The following GNPTAB variants were observed in gnomAD, a reference collection of about 807,000 sequenced individuals.
The protein encoded by GNPTAB is N-acetylglucosamine-1-phosphate transferase subunits alpha and beta.
GNPTAB carries 92 observed loss-of-function variants against 136.6 expected under a neutral mutation model. That is an observed-to-expected ratio of 0.67 (90% CI 0.57 to 0.80). The LOEUF (loss-of-function observed/expected upper bound fraction) is 0.80. Among genes scored for constraint, GNPTAB ranks in the 30% least tolerant of loss-of-function variants. The pLI, the probability that GNPTAB is intolerant of heterozygous loss-of-function variation, is 0.00. For missense variants in GNPTAB, 1,343 were observed against 1,501.8 expected (o/e 0.89, Z 1.75); for synonymous variants, 512 against 535.1 (o/e 0.96, Z 0.60).
At chr12:101,780,088 A>G in intron 7 of GNPTAB, 64 bp downstream of exon 7, 1 of 1,506,586 alleles carries the variant, frequency 6.6e-7, no homozygotes, top group Non-Finnish European at 9.2e-7. Flanking sequence ...ATGGACCACA[A>G]GAAAAGAATC....
intron 1 of GNPTAB, among the ~76,000 whole-genome samples, chr12:101,814,106 C>G (rs1330104935): frequency 6.6e-6 from 1 of 150,554 alleles, no homozygotes; most frequent in Non-Finnish European, 1.5e-5. Context: ...TCAAGACCAG[C>G]TGGGCAACAT....
chr12:101,761,245 T>C lies in GNPTAB; in HGVS notation c.3017A>G (p.Gln1006Arg). The stretch of plus-strand genomic sequence containing the variant: ...AAAGACTTGAGATATATTCAGTGGC[T>C]GCACTGCACTCATGAGATAATAAAA... ...SYFYYLMSAV[Q>R]PLNISQVFDE... is the part of the protein sequence containing the mutation. Residue 1006 changes from glutamine (Q) to arginine (R), a missense_variant, in exon 15 of 21, where the codon CAG becomes CGG. Transcript: ENST00000299314. 1 of 1,613,614 alleles carries C rather than the reference T, an allele frequency of 6.2e-7. No individual in the cohort carries two copies. Among genetic ancestry groups the C allele is most frequent in the South Asian group, 1.1e-5 (1 of 91,068 alleles).
chr12:101,786,226 A>T lies in GNPTAB; in HGVS notation c.366-9T>A. 4.4e-6 allele frequency: 7 copies of T among 1,598,386 alleles called. No homozygotes were observed. Among genetic ancestry groups the T allele is most frequent in the African/African-American group, 1.3e-5 (1 of 74,752 alleles). On this transcript the variant is annotated splice_polypyrimidine_tract_variant and intron_variant, in intron 4 of 20. Transcript: ENST00000299314. Reference sequence around the variant, plus strand: ...ACTCTAACTGCTTCTCACTGGAAAGAAACACCAACATGCTTACAATTACAT... The same window carrying T: ...ACTCTAACTGCTTCTCACTGGAAAGTAACACCAACATGCTTACAATTACAT...
In GNPTAB at chr12:101,765,094, G is replaced by A. The variant is rs953532631; in HGVS notation, c.1823C>T (p.Ala608Val). ...CGTGAGATTAAAATGTATTGTGGTGGCATTCATTCCACTGTGCATTATGAG... is the reference window on the plus strand; with the variant it reads ...CGTGAGATTAAAATGTATTGTGGTGACATTCATTCCACTGTGCATTATGAG... ...IHLIMHSGMNATTIHFNLTFQ... is the reference protein window; with the variant it reads ...IHLIMHSGMNVTTIHFNLTFQ... Residue 608 changes from alanine (A) to valine (V), a missense_variant, in exon 13 of 21, where the codon GCC (alanine) becomes GTC (valine). Coordinates refer to ENST00000299314, the MANE Select transcript of GNPTAB (RefSeq NM_024312.5). 8 of 1,613,998 alleles carry A rather than the reference G, an allele frequency of 5.0e-6. No homozygotes were observed. The highest frequency in any genetic ancestry group is 6.8e-6 in the Non-Finnish European group (8 of 1,179,912).
At chr12:101,760,383 A>G (rs1952975088) in intron 15 of GNPTAB, among the ~76,000 whole-genome samples, 1 of 152,206 alleles carries the variant, frequency 6.6e-6, no homozygotes, top group Admixed American at 6.5e-5. Context: ...CATTTACACA[A>G]GGTGGTCCAG....
chr12:101,765,164 T>C lies in GNPTAB; in HGVS notation c.1753A>G (p.Ile585Val), dbSNP rs780782923. The change falls in exon 13 of 21, where the codon ATA (isoleucine) becomes GTA (valine). Residue 585 changes from isoleucine (I) to valine (V), a missense_variant. Coordinates refer to ENST00000299314, the MANE Select transcript of GNPTAB (RefSeq NM_024312.5). ...GVEGAYSDNP[I>V]IRHASIANKW... is the part of the protein sequence containing the mutation. ...TTGGCAATAGAAGCATGTCGAATTA[T>C]TGGATTGTCACTATAGGCACCTTCA... 2 of 1,614,190 alleles carry C rather than the reference T, an allele frequency of 1.2e-6. No homozygotes were observed. The highest frequency in any genetic ancestry group is 2.2e-5 in the South Asian group (2 of 91,086).
chr12:101,765,263 G>T lies in GNPTAB; in HGVS notation c.1654C>A (p.Gln552Lys), dbSNP rs752018352. Residue 552 changes from glutamine to lysine, a missense_variant, in exon 13 of 21, where the codon CAG (glutamine) becomes AAG (lysine). Coordinates refer to ENST00000299314, the MANE Select transcript of GNPTAB (RefSeq NM_024312.5). The stretch of plus-strand genomic sequence containing the variant: ...CCTTTTGGAATAATATAGTGAGTCT[G>T]GTTTGGGAGAAGGATCACTTTATAC... ...ELYKVILLPN[Q>K]THYIIPKGEC... 1 of 1,613,340 alleles carries T rather than the reference G, an allele frequency of 6.2e-7. No homozygotes were observed. The highest frequency in any genetic ancestry group is 8.5e-7 in the Non-Finnish European group (1 of 1,179,362).
chr12:101,789,869 T>A, intron 3 of GNPTAB, 69 bp downstream of exon 3: 2 of 1,388,038 alleles, frequency 1.4e-6, no homozygotes, highest in South Asian at 1.2e-5. Context: ...ATATGTGAGA[T>A]GTGCCACCCT....
intron 16 of GNPTAB, 58 bp downstream of exon 16, chr12:101,759,972 G>C (rs1467680706): frequency 5.0e-6 from 5 of 999,744 alleles, no homozygotes; most frequent in Non-Finnish European, 6.5e-6. Flanking sequence ...AATGCTGTAA[G>C]TAACACTTGA....
Position 101,766,313 on chromosome 12 carries a change from A to C in GNPTAB, c.1409-19T>G, listed in dbSNP as rs1362386255. The C allele has an allele frequency of 8.7e-6, 14 of 1,601,026 alleles. No individual in the cohort carries two copies. Among genetic ancestry groups the C allele is most frequent in the Non-Finnish European group, 1.2e-5 (14 of 1,168,212 alleles). On this transcript the variant is annotated intron_variant, in intron 11 of 20. Coordinates refer to ENST00000299314, the MANE Select transcript of GNPTAB (RefSeq NM_024312.5). ...CTGTTTCCTGTAGATCGGAGGAAGA[A>C]GAGGGATTCTTGCTGTAATTACAAT... is the stretch of plus-strand genomic sequence containing the variant.
chr12:101,782,493 T>C (rs1868398130), intron 5 of GNPTAB, among the ~76,000 whole-genome samples: 1 of 152,282 alleles, frequency 6.6e-6, no homozygotes, highest in East Asian at 1.9e-4. Context: ...ACCTTCAAAA[T>C]GTCCAGAATC....
At chr12:101,829,156 A>T (rs934210995) in intron 1 of GNPTAB, among the ~76,000 whole-genome samples, 5 of 152,320 alleles carry the variant, frequency 3.3e-5, no homozygotes, top group African/African-American at 1.2e-4. Flanking sequence ...TAAACAGCCA[A>T]GCATGGAATG....
chr12:101,781,052 T>G lies in GNPTAB; in HGVS notation c.572-431A>C, dbSNP rs1045535005. Among the ~76,000 whole-genome samples, 9 of 152,280 alleles carry G rather than the reference T, an allele frequency of 5.9e-5. No individual in the cohort carries two copies. In the East Asian group the frequency reaches 1.5e-3, roughly 26 times the overall value. ...TGAACACCAGGCAGTGGCATGTATG[T>G]TAACAGCAGGGGGCTACTATGGATC... On this transcript the variant is annotated intron_variant, in intron 5 of 20. Transcript: ENST00000299314.
In GNPTAB at chr12:101,763,521, T is replaced by C. The variant is rs532948519; in HGVS notation, c.2715+681A>G. Among the ~76,000 whole-genome samples, 34 of 152,294 alleles carry C rather than the reference T, an allele frequency of 2.2e-4. No individual in the cohort carries two copies. The South Asian group carries it at 7.0e-3, about 32-fold the overall frequency. ...CACAGGGCACTTCCTTCTGTATGCC[T>C]TCCCTAGTACTTCTAGGCAGAGCTA... On this transcript the variant is annotated intron_variant, in intron 13 of 20. Coordinates refer to ENST00000299314, the MANE Select transcript of GNPTAB (RefSeq NM_024312.5).
chr12:101,785,698 T>C (rs1212630857), intron 5 of GNPTAB: 3 of 301,084 alleles, frequency 1.0e-5, no homozygotes, highest in Middle Eastern at 1.0e-3. Context: ...CGCTACCTAG[T>C]AGAGGAGTTA....
At position 101,757,229 on chromosome 12, in the gene GNPTAB, G is replaced by GTCA. The variant is rs745600783; in HGVS notation, c.3414_3416dup (p.Asp1139dup). 1.9e-6 allele frequency: 3 copies of GTCA among 1,587,946 alleles called. No homozygotes were observed. Among genetic ancestry groups the GTCA allele is most frequent in the Non-Finnish European group, 1.7e-6 (2 of 1,157,430 alleles). On this transcript the variant is annotated inframe_insertion, in exon 18 of 21. Transcript: ENST00000299314. Reference sequence around the variant, plus strand: ...ATCAGTACCTAGGGTTTTTTCTTATGTCATCCAACTGGCCAACCACATGAG... The same window carrying GTCA: ...ATCAGTACCTAGGGTTTTTTCTTATGTCATCATCCAACTGGCCAACCACATGAG...
At chr12:101,810,965 G>A (rs868333093) in intron 1 of GNPTAB, among the ~76,000 whole-genome samples, 2 of 152,136 alleles carry the variant, frequency 1.3e-5, no homozygotes, top group South Asian at 2.1e-4. Context: ...ACAAAAAGAC[G>A]GTGACTGCAG....
intron 7 of GNPTAB, among the ~76,000 whole-genome samples, 180 bp from the exon 8 acceptor site, chr12:101,771,337 G>A (rs755721002): frequency 5.3e-5 from 8 of 151,240 alleles, no homozygotes; most frequent in Non-Finnish European, 1.0e-4. Flanking sequence ...TCCGCCTCCC[G>A]GGTTCAAGCG....
intron 7 of GNPTAB, chr12:101,773,446 G>T (rs1953212523): frequency 9.9e-6 from 2 of 201,280 alleles, no homozygotes; most frequent in South Asian, 1.4e-4. Flanking sequence ...GGGCGAAGCT[G>T]AGGGGCTGCA....
Sources: allele counts gnomAD v4.1 joint callset (sites outside exome capture counted in the v4.1 genomes callset), GRCh38; gene constraint gnomAD v4.1.1; transcripts MANE v1.5; gene names NCBI Gene and HGNC (gene_info 2026-07-23, HGNC 2026-07-21).